EYS: variants seen among roughly 807,000 people sequenced by gnomAD.
The protein encoded by EYS is protein eyes shut homolog.
A neutral mutation model predicts 282.1 loss-of-function variants in EYS; 250 were observed. The observed-to-expected ratio is 0.89, with a 90% CI of 0.80 to 0.98. The LOEUF (loss-of-function observed/expected upper bound fraction) is 0.98, where lower values mean the gene tolerates loss of function less well. Ranked by LOEUF, EYS falls within the 50% of genes least tolerant of loss-of-function variation. The probability of loss-of-function intolerance (pLI) is 0.00; values close to 1 mark genes in which losing one functional copy is unlikely to be tolerated. For synonymous variants in EYS, 1,355 were observed against 1,282.9 expected, an observed-to-expected ratio of 1.06 and a Z score of -1.20; for missense variants, 4,016 against 3,709.0, an observed-to-expected ratio of 1.08 and a Z score of -2.15.
chr6:64,083,110 T>C (rs1772030213), intron 31 of EYS, among the ~76,000 whole-genome samples: 1 of 152,096 alleles, frequency 6.6e-6, no homozygotes, highest in Non-Finnish European at 1.5e-5. Flanking sequence ...GGTTTCACCA[T>C]GTTGCCCAGG....
At chr6:64,542,260 T>C (rs750349477) in intron 26 of EYS, among the ~76,000 whole-genome samples, 1 of 152,156 alleles carries the variant, frequency 6.6e-6, no homozygotes, top group Non-Finnish European at 1.5e-5. Flanking sequence ...GTGACCATTA[T>C]GACTTCAAGT....
At chr6:64,693,951 A>G (rs9351367) in intron 22 of EYS, among the ~76,000 whole-genome samples, 103,501 of 152,000 alleles carry the variant, frequency 0.68, 36,311 homozygotes, top group Middle Eastern at 0.78. Flanking sequence ...AAGGCAATCA[A>G]TCCTATCTTT....
intron 42 of EYS, among the ~76,000 whole-genome samples, chr6:63,725,628 T>C (rs1355118614): frequency 6.6e-6 from 1 of 152,108 alleles, no homozygotes; most frequent in East Asian, 1.9e-4. Context: ...TATAGCTCAA[T>C]TGTACTTTTT....
At chr6:64,830,082 G>T (rs1183460903) in intron 19 of EYS, among the ~76,000 whole-genome samples, 1 of 151,902 alleles carries the variant, frequency 6.6e-6, no homozygotes, top group African/African-American at 2.4e-5. Flanking sequence ...TGATGATTAG[G>T]TCATAAGGGC....
chr6:64,572,265 G>A (rs1330457031), intron 26 of EYS, among the ~76,000 whole-genome samples: 2 of 152,156 alleles, frequency 1.3e-5, no homozygotes, highest in African/African-American at 2.4e-5. Flanking sequence ...AGGTATTGAT[G>A]GAACGTATCT....
chr6:64,972,938 C>T (rs950650261), intron 14 of EYS, among the ~76,000 whole-genome samples: 1 of 152,002 alleles, frequency 6.6e-6, no homozygotes, highest in African/African-American at 2.4e-5. Context: ...GTATATGAAT[C>T]CAAATTAAAT....
chr6:64,544,651 A>G (rs1764793819), intron 26 of EYS, among the ~76,000 whole-genome samples: 1 of 152,220 alleles, frequency 6.6e-6, no homozygotes, highest in Admixed American at 6.5e-5. Flanking sequence ...AAAAGAGAGA[A>G]GAATCAAATA....
chr6:64,159,126 A>T (rs992955237), intron 31 of EYS, among the ~76,000 whole-genome samples: 5 of 152,210 alleles, frequency 3.3e-5, no homozygotes, highest in African/African-American at 1.2e-4. Flanking sequence ...TCCCTGATAT[A>T]AAATGGCACA....
chr6:65,674,734 G>A (rs1392181750), intron 1 of EYS, among the ~76,000 whole-genome samples: 1 of 151,838 alleles, frequency 6.6e-6, no homozygotes, highest in Admixed American at 6.6e-5. Context: ...ATACTAAAGG[G>A]AGTCCTTCAA....
chr6:63,807,103 G>T (rs1018171647), intron 36 of EYS, among the ~76,000 whole-genome samples: 1 of 152,108 alleles, frequency 6.6e-6, no homozygotes, highest in East Asian at 1.9e-4. Flanking sequence ...TTCTTGTATC[G>T]AACTCTTCTC....
intron 14 of EYS, among the ~76,000 whole-genome samples, chr6:64,974,310 A>G (rs1770401360): frequency 6.6e-6 from 1 of 151,894 alleles, no homozygotes. Flanking sequence ...AATAAGGGAA[A>G]ATAAAAGCCT....
At chr6:64,722,691 TA>T (rs755061900) in intron 22 of EYS, among the ~76,000 whole-genome samples, 9 of 152,186 alleles carry the variant, frequency 5.9e-5, no homozygotes, top group Non-Finnish European at 1.3e-4. Context: ...CACTGTTTCT[TA>T]AAATAATCCT....
At chr6:64,186,938 C>T (rs1235729806) in intron 31 of EYS, among the ~76,000 whole-genome samples, 4 of 152,246 alleles carry the variant, frequency 2.6e-5, no homozygotes, top group Middle Eastern at 6.8e-3. Flanking sequence ...CCCGCTCCGA[C>T]GCACTTGGGG....
chr6:64,815,598 T>G (rs1764723041), intron 21 of EYS, among the ~76,000 whole-genome samples: 2 of 152,124 alleles, frequency 1.3e-5, no homozygotes, highest in Non-Finnish European at 2.9e-5. Flanking sequence ...TTTAAAAGGA[T>G]GCCTTTCGTT....
chr6:65,014,771 A>G (rs1771989635), intron 13 of EYS, among the ~76,000 whole-genome samples: 1 of 151,952 alleles, frequency 6.6e-6, no homozygotes, highest in East Asian at 1.9e-4. Context: ...TCCCTTCACT[A>G]CCTCCCTGTT....
chr6:65,031,140 A>ATT (rs1358039553), intron 13 of EYS, among the ~76,000 whole-genome samples: 10 of 129,224 alleles, frequency 7.7e-5, no homozygotes, highest in African/African-American at 3.1e-4. Flanking sequence ...AATATTTTAT[A>ATT]TTTTATATAT....
At chr6:65,616,361 T>C (rs1269039274) in intron 2 of EYS, among the ~76,000 whole-genome samples, 2 of 152,096 alleles carry the variant, frequency 1.3e-5, no homozygotes, top group Admixed American at 1.3e-4. Context: ...ATCAAATCAC[T>C]GTTTAAGACA....
At chr6:64,024,281 G>C (rs1000539037) in intron 33 of EYS, among the ~76,000 whole-genome samples, 1 of 152,130 alleles carries the variant, frequency 6.6e-6, no homozygotes, top group Non-Finnish European at 1.5e-5. Flanking sequence ...GTCTAGCTCA[G>C]GGTTTGTGAA....
At chr6:64,957,224 T>G (rs960157455) in intron 14 of EYS, among the ~76,000 whole-genome samples, 7 of 152,140 alleles carry the variant, frequency 4.6e-5, no homozygotes, top group African/African-American at 1.4e-4. Context: ...ACATGCACAA[T>G]GGCGTACTAT....
Sources: gnomAD v4.1 joint callset for allele counts (sites outside exome capture counted in the v4.1 genomes callset) on GRCh38, gnomAD v4.1.1 for gene constraint, MANE v1.5 for transcripts, NCBI Gene and HGNC (gene_info 2026-07-23, HGNC 2026-07-21) for gene names.